Variants in UFL1 observed in about 807,000 individuals in gnomAD.
UFL1 encodes the protein UFM1 specific ligase 1, also known as E3 UFM1-protein ligase 1.
In UFL1, 78 loss-of-function variants were observed where a neutral mutation model predicts 99.3. The observed-to-expected ratio is 0.79, with a 90% CI of 0.65 to 0.95. The LOEUF is 0.95. Among genes scored for constraint, UFL1 ranks in the 40% least tolerant of loss-of-function variants. The probability of loss-of-function intolerance (pLI) is 0.00; values close to 1 mark genes in which losing one functional copy is unlikely to be tolerated. For synonymous variants in UFL1, 335 were observed against 322.2 expected, an observed-to-expected ratio of 1.04 and a Z score of -0.42; for missense variants, 936 against 937.0, an observed-to-expected ratio of 1.00 and a Z score of 0.01.
intron 4 of UFL1, among the ~76,000 whole-genome samples, chr6:96,526,079 T>C (rs983693703): frequency 6.6e-6 from 1 of 150,744 alleles, no homozygotes; most frequent in African/African-American, 2.4e-5. Context: ...GAGTGAGACC[T>C]TGATGCAAAA....
Position 96,534,311 on chromosome 6 carries a change from G to A in UFL1, c.645G>A (p.Gln215=). ...TTTCAAAATATGGATTTCAGGAGCA[G>A]CTTCTTTACTGTGAGTTTGGTTTAA... ...SLISKYGFQE[Q]LLYSVLEELV... is the part of the protein sequence containing the mutation. Residue 215 remains glutamine, a synonymous_variant, in exon 7 of 19, where the codon CAG becomes CAA. Coordinates refer to ENST00000369278, the MANE Select transcript of UFL1 (RefSeq NM_015323.5). 6.3e-7 allele frequency: 1 copy of A among 1,578,694 alleles called. No homozygotes were observed. Among genetic ancestry groups the A allele is most frequent in the Non-Finnish European group, 8.6e-7 (1 of 1,164,288 alleles).
intron 6 of UFL1, among the ~76,000 whole-genome samples, 164 bp from the exon 7 acceptor site, chr6:96,534,099 G>A (rs145388946): frequency 6.6e-6 from 1 of 151,864 alleles, no homozygotes; most frequent in African/African-American, 2.4e-5. Flanking sequence ...TGATATTTCA[G>A]TAGCAAAATT....
intron 2 of UFL1, 100 bp from the exon 3 acceptor site, chr6:96,524,282 A>T: frequency 9.5e-7 from 1 of 1,051,720 alleles, no homozygotes; most frequent in Non-Finnish European, 1.4e-6. Context: ...TCTCTGTTCT[A>T]TGCAGGACTT....
chr6:96,538,755 T>C lies in UFL1; in HGVS notation c.1103T>C (p.Phe368Ser), dbSNP rs141150488. ...GACACTGTTGTAGTCAGTGAAAAATTTATAAATGACTGTACAGAACTGTTC... is the reference window on the plus strand; with the variant it reads ...GACACTGTTGTAGTCAGTGAAAAATCTATAAATGACTGTACAGAACTGTTC... ...FSDTVVVSEK[F>S]INDCTELFRE... is the part of the protein sequence containing the mutation. Residue 368 changes from phenylalanine (F) to serine (S), a missense_variant, in exon 10 of 19, where the codon TTT (phenylalanine) becomes TCT (serine). By Grantham distance (155) the Phe-to-Ser change is radical. Coordinates refer to ENST00000369278, the MANE Select transcript of UFL1 (RefSeq NM_015323.5). 1.2e-5 allele frequency: 19 copies of C among 1,611,298 alleles called. No homozygotes were observed. In the African/African-American group the frequency reaches 2.1e-4, roughly 18 times the overall value.
chr6:96,540,680 T>C (rs1310712850), intron 11 of UFL1, 25 bp downstream of exon 11: 1 of 1,586,688 alleles, frequency 6.3e-7, no homozygotes, highest in African/African-American at 1.4e-5. Context: ...ACAAGGAATA[T>C]TCAAAGTTTT....
At chr6:96,538,279 A>G (rs1769881512) in intron 9 of UFL1, among the ~76,000 whole-genome samples, 1 of 151,812 alleles carries the variant, frequency 6.6e-6, no homozygotes, top group Non-Finnish European at 1.5e-5. Flanking sequence ...GATAGGAGAA[A>G]GAGTTATGAC....
chr6:96,523,225 G>C lies in UFL1; in HGVS notation c.157G>C (p.Gly53Arg), dbSNP rs1267318682. Residue 53 changes from glycine to arginine, a missense_variant, in exon 2 of 19, where the codon GGA (glycine) becomes CGA (arginine). Gly to Arg is a moderately radical substitution (Grantham distance 125). Coordinates refer to ENST00000369278, the MANE Select transcript of UFL1 (RefSeq NM_015323.5). Reference sequence around the variant, plus strand: ...GCTAGAAGTAGTTCATACACTCGATGGAAAGGAATATATTACTCCAGCCCA... The same window carrying C: ...GCTAGAAGTAGTTCATACACTCGATCGAAAGGAATATATTACTCCAGCCCA... ...KQLEVVHTLD[G>R]KEYITPAQIS... The C allele has an allele frequency of 6.2e-7, 1 of 1,613,048 alleles. No individual in the cohort carries two copies. Among genetic ancestry groups the C allele is most frequent in the Admixed American group, 1.7e-5 (1 of 59,928 alleles).
rs573562089 is a variant in UFL1 at position 96,523,861 on chromosome 6, G to A, written c.224-521G>A. ...ATTTGATTAAAATAGAAGCAATTAT[G>A]AAAGCCTCTCTTCATATTATCAGAG... On this transcript the variant is annotated intron_variant, in intron 2 of 18. Coordinates refer to ENST00000369278, the MANE Select transcript of UFL1 (RefSeq NM_015323.5). Among the ~76,000 whole-genome samples the A allele has an allele frequency of 7.2e-5, 11 of 152,252 alleles. No individual in the cohort carries two copies. The East Asian group carries it at 1.9e-3, about 27-fold the overall frequency.
intron 11 of UFL1, among the ~76,000 whole-genome samples, chr6:96,542,038 T>G: frequency 6.6e-6 from 1 of 151,468 alleles, no homozygotes; most frequent in East Asian, 1.9e-4. Flanking sequence ...TTTATTTTAT[T>G]AAAAAGACTA....
In UFL1 at chr6:96,526,334, C is replaced by T. The variant is rs146188768; in HGVS notation, c.364C>T (p.Arg122Trp). The T allele has an allele frequency of 2.0e-4, 321 of 1,612,236 alleles. 1 individual carries two copies. The East Asian group carries it at 6.5e-3, about 33-fold the overall frequency. ...GQLIDENYLD[R>W]LAEEVNDKLQ... ...TTTCACTATTAGGAATTATTTGGAT[C>T]GGTTGGCAGAAGAGGTCAATGATAA... Residue 122 changes from arginine to tryptophan, a missense_variant, in exon 5 of 19, where the codon CGG (arginine) becomes TGG (tryptophan). Physicochemically the swap from Arg to Trp is moderately radical, Grantham distance 101. Transcript: ENST00000369278.
intron 2 of UFL1, among the ~76,000 whole-genome samples, chr6:96,524,167 TA>T (rs76513020): frequency 0.022 from 3,028 of 140,812 alleles, 76 homozygotes; most frequent in African/African-American, 0.061. Flanking sequence ...TGATGTTATT[TA>T]AAAAAAAAAA....
At chr6:96,536,603 T>C (rs1769857611) in intron 8 of UFL1, among the ~76,000 whole-genome samples, 1 of 151,810 alleles carries the variant, frequency 6.6e-6, no homozygotes, top group African/African-American at 2.4e-5. Context: ...ATAAAAGTAA[T>C]CACACTGCGA....
intron 12 of UFL1, among the ~76,000 whole-genome samples, chr6:96,546,054 A>G (rs1429473614): frequency 1.3e-5 from 2 of 151,234 alleles, no homozygotes. Flanking sequence ...AAAAGCATCC[A>G]TATTGGAAAA....
intron 13 of UFL1, 145 bp from the exon 14 acceptor site, chr6:96,549,267 G>C: frequency 3.4e-6 from 2 of 587,604 alleles, no homozygotes; most frequent in South Asian, 9.5e-5. Flanking sequence ...CAAATTGTTA[G>C]TGAACTTGTC....
intron 4 of UFL1, 85 bp from the exon 5 acceptor site, chr6:96,526,236 T>G (rs1277950866): frequency 8.6e-7 from 1 of 1,158,048 alleles, no homozygotes; most frequent in Non-Finnish European, 1.2e-6. Context: ...CATACTTCAT[T>G]TCAACGGAAA....
At chr6:96,523,332 G>A in intron 2 of UFL1, 41 bp downstream of exon 2, 1 of 1,532,458 alleles carries the variant, frequency 6.5e-7, no homozygotes, top group South Asian at 1.3e-5. Flanking sequence ...TTGGATTTTT[G>A]GAAGGGGCAA....
intron 9 of UFL1, among the ~76,000 whole-genome samples, chr6:96,538,412 G>A (rs113194589): frequency 7.4e-4 from 113 of 151,764 alleles, no homozygotes; most frequent in African/African-American, 2.6e-3. Context: ...TGTCTGTTAG[G>A]CATGCAAGTG....
intron 10 of UFL1, among the ~76,000 whole-genome samples, chr6:96,540,254 A>C (rs147197871): frequency 6.6e-6 from 1 of 151,602 alleles, no homozygotes; most frequent in Admixed American, 6.6e-5. Flanking sequence ...TAACAGCTGG[A>C]GAGGATTGCA....
chr6:96,548,806 T>C (rs980727391), intron 13 of UFL1, among the ~76,000 whole-genome samples: 2 of 151,674 alleles, frequency 1.3e-5, no homozygotes, highest in African/African-American at 4.8e-5. Context: ...AGTAACTAAC[T>C]AACCTGGTCA....
Sources: allele counts gnomAD v4.1 joint callset (sites outside exome capture counted in the v4.1 genomes callset), GRCh38; gene constraint gnomAD v4.1.1; transcripts MANE v1.5; gene names NCBI Gene and HGNC (gene_info 2026-07-23, HGNC 2026-07-21).